SDK1: variants seen among roughly 807,000 people sequenced by gnomAD.
The protein encoded by SDK1 is protein sidekick-1.
A neutral mutation model predicts 245.5 loss-of-function variants in SDK1; 157 were observed. The observed-to-expected ratio is 0.64, with a 90% CI of 0.56 to 0.73. The LOEUF (loss-of-function observed/expected upper bound fraction) is 0.73, where lower values mean the gene tolerates loss of function less well. Among genes scored for constraint, SDK1 ranks in the 30% least tolerant of loss-of-function variants. The pLI is 0.00. For missense variants in SDK1, 3,583 were observed against 3,002.3 expected, an observed-to-expected ratio of 1.19 and a Z score of -4.52; for synonymous variants, 1,647 against 1,278.5, an observed-to-expected ratio of 1.29 and a Z score of -6.15.
chr7:3,619,985 G>C (rs939095372), intron 2 of SDK1, among the ~76,000 whole-genome samples: 1 of 152,234 alleles, frequency 6.6e-6, no homozygotes, highest in East Asian at 1.9e-4. Context: ...ACATGCTGCA[G>C]TTCTGTGCAG....
At chr7:3,642,757 C>T (rs551341881) in intron 4 of SDK1, 1 of 152,296 alleles carries the variant, frequency 6.6e-6, no homozygotes, top group South Asian at 2.1e-4. Flanking sequence ...TTAAAAAGAA[C>T]ACTTGGTATA....
intron 22 of SDK1, among the ~76,000 whole-genome samples, chr7:4,089,763 T>C (rs1407105939): frequency 6.6e-6 from 1 of 152,240 alleles, no homozygotes; most frequent in East Asian, 1.9e-4. Flanking sequence ...CCCTTTGATT[T>C]CAAAAGTGTT....
intron 17 of SDK1, among the ~76,000 whole-genome samples, chr7:4,027,676 T>A (rs10227441): frequency 6.6e-6 from 1 of 152,246 alleles, no homozygotes; most frequent in African/African-American, 2.4e-5. Context: ...AGAAGATGAA[T>A]AGTAATAATC....
intron 4 of SDK1, among the ~76,000 whole-genome samples, chr7:3,815,503 G>A (rs2115052768): frequency 6.6e-6 from 1 of 150,410 alleles, no homozygotes; most frequent in East Asian, 2.0e-4. Context: ...ATGTGCTGCT[G>A]GATTCAGTTT....
chr7:3,504,265 C>CGTTGTTGTTGTT (rs369977701), intron 1 of SDK1, among the ~76,000 whole-genome samples: 11 of 146,544 alleles, frequency 7.5e-5, no homozygotes, highest in East Asian at 2.0e-4. Context: ...CTGTTGTTGT[C>CGTTGTTGTTGTT]GTTGTTGTTG....
Position 4,267,119 on chromosome 7 carries a change from A to C in SDK1, c.*1735A>C. 1 of 985,258 alleles carries C rather than the reference A, an allele frequency of 1.0e-6. No homozygotes were observed. The highest frequency in any genetic ancestry group is 1.2e-6 in the Non-Finnish European group (1 of 829,890). 61.0% of individuals were successfully genotyped at this position (985,258 alleles called of 1,614,324 possible). A position where few individuals can be genotyped will look rare whatever the true frequency, so the allele number is the denominator to read the frequency against. ...AAGGAGAGTTTTGTATAGGCTGGAA[A>C]ACCCCTTTTCAGTCTTTCCAAAATT... On this transcript the variant is annotated 3_prime_UTR_variant, in exon 45 of 45. Coordinates refer to ENST00000404826, the MANE Select transcript of SDK1 (RefSeq NM_152744.4).
chr7:4,123,031 C>T (rs185882412), intron 25 of SDK1, among the ~76,000 whole-genome samples: 1 of 152,354 alleles, frequency 6.6e-6, no homozygotes, highest in Non-Finnish European at 1.5e-5. Context: ...CTGCAATCCC[C>T]AGGTTGCCCT....
chr7:4,191,165 C>T (rs57989756), intron 35 of SDK1, among the ~76,000 whole-genome samples: 4,678 of 152,232 alleles, frequency 0.031, 220 homozygotes, highest in African/African-American at 0.098. Flanking sequence ...AACCCCGCGG[C>T]GGTCACAGTG....
chr7:4,079,053 CG>C (rs1218955462), intron 21 of SDK1, among the ~76,000 whole-genome samples: 1 of 152,208 alleles, frequency 6.6e-6, no homozygotes, highest in Non-Finnish European at 1.5e-5. Flanking sequence ...TCCGAGGCCG[CG>C]GTAATTATGA....
At chr7:3,770,298 T>G (rs918343460) in intron 4 of SDK1, among the ~76,000 whole-genome samples, 1 of 152,176 alleles carries the variant, frequency 6.6e-6, no homozygotes, top group Non-Finnish European at 1.5e-5. Context: ...TAATAACTCA[T>G]TCATTTGTAT....
intron 35 of SDK1, among the ~76,000 whole-genome samples, chr7:4,191,206 G>A (rs573813580): frequency 1.1e-4 from 16 of 151,180 alleles, no homozygotes; most frequent in South Asian, 4.2e-4. Flanking sequence ...GCCCTCCCCC[G>A]CCGCAGTCAC....
chr7:3,831,231 T>C (rs374695582), intron 5 of SDK1, among the ~76,000 whole-genome samples: 363 of 152,354 alleles, frequency 2.4e-3, no homozygotes, highest in African/African-American at 8.2e-3. Context: ...GTTGTAAATG[T>C]ACTTTTCTTA....
At chr7:3,655,286 A>C (rs1484537798) in intron 4 of SDK1, among the ~76,000 whole-genome samples, 4 of 151,008 alleles carry the variant, frequency 2.6e-5, no homozygotes, top group Admixed American at 6.6e-5. Flanking sequence ...ATACAAAATT[A>C]GCCAGACGTG....
At chr7:3,707,182 G>C (rs1784915884) in intron 4 of SDK1, among the ~76,000 whole-genome samples, 2 of 152,210 alleles carry the variant, frequency 1.3e-5, no homozygotes, top group Non-Finnish European at 1.5e-5. Flanking sequence ...TTTTTGTGGA[G>C]GCACTTTATG....
intron 7 of SDK1, among the ~76,000 whole-genome samples, chr7:3,957,796 A>G (rs551901250): frequency 7.9e-5 from 12 of 152,356 alleles, no homozygotes; most frequent in South Asian, 2.1e-4. Flanking sequence ...AATGCTGGCA[A>G]TATTTCTTCA....
chr7:4,214,308 C>G (rs780820446), intron 38 of SDK1, among the ~76,000 whole-genome samples: 2 of 152,144 alleles, frequency 1.3e-5, no homozygotes, highest in Non-Finnish European at 2.9e-5. Flanking sequence ...CTAGACAAAC[C>G]GCTGGCTGCA....
At chr7:3,878,306 G>C (rs1038041408) in intron 5 of SDK1, among the ~76,000 whole-genome samples, 2 of 152,156 alleles carry the variant, frequency 1.3e-5, no homozygotes, top group Non-Finnish European at 2.9e-5. Context: ...GGATCACGAG[G>C]TCAGCAGATC....
intron 4 of SDK1, among the ~76,000 whole-genome samples, chr7:3,664,170 G>T (rs1783453250): frequency 6.6e-6 from 1 of 152,114 alleles, no homozygotes; most frequent in African/African-American, 2.4e-5. Flanking sequence ...TTGGTGGAAT[G>T]CTTGACAAAA....
intron 1 of SDK1, among the ~76,000 whole-genome samples, chr7:3,393,422 C>G (rs1781811890): frequency 6.6e-6 from 1 of 152,146 alleles, no homozygotes; most frequent in African/African-American, 2.4e-5. Flanking sequence ...AGAGTTCCAA[C>G]TTTTTTACAT....
Sources: gnomAD v4.1 joint callset for allele counts (sites outside exome capture counted in the v4.1 genomes callset) on GRCh38, gnomAD v4.1.1 for gene constraint, MANE v1.5 for transcripts, NCBI Gene and HGNC (gene_info 2026-07-23, HGNC 2026-07-21) for gene names.